TRIM2: variants seen among roughly 807,000 people sequenced by gnomAD.
TRIM2 encodes the protein tripartite motif containing 2.
Under a neutral mutation model 75.2 loss-of-function variants are expected in TRIM2, and 20 were observed. The ratio of observed to expected loss-of-function variants is 0.27; its 90% CI spans 0.19 to 0.39. The LOEUF (loss-of-function observed/expected upper bound fraction) is 0.39. Ranked by LOEUF, TRIM2 falls within the 10% of genes least tolerant of loss-of-function variation. The probability of loss-of-function intolerance (pLI) is 1.00; values close to 1 mark genes in which losing one functional copy is unlikely to be tolerated. For synonymous variants in TRIM2, 373 were observed against 388.3 expected (o/e 0.96, Z 0.46); for missense variants, 660 against 990.8 (o/e 0.67, Z 4.48).
At chr4:153,254,125 C>T (rs780774362) in intron 1 of TRIM2, among the ~76,000 whole-genome samples, 2 of 152,014 alleles carry the variant, frequency 1.3e-5, no homozygotes, top group Admixed American at 1.3e-4. Flanking sequence ...AAGCAGATGC[C>T]GGATTGTAAA....
intron 1 of TRIM2, among the ~76,000 whole-genome samples, chr4:153,173,468 C>A (rs535363558): frequency 3.2e-4 from 49 of 151,418 alleles, no homozygotes; most frequent in Non-Finnish European, 1.0e-4. Flanking sequence ...TTGAGACCAG[C>A]CTGGCAACAT....
intron 1 of TRIM2, among the ~76,000 whole-genome samples, chr4:153,167,048 C>CCCTA (rs924170041): frequency 9.2e-5 from 14 of 152,140 alleles, no homozygotes; most frequent in Admixed American, 7.9e-4. Flanking sequence ...AGAGTATGGA[C>CCCTA]CCTACAGCCA....
At chr4:153,334,687 CAG>C in intron 11 of TRIM2, 125 bp from the exon 12 acceptor site, 1 of 886,162 alleles carries the variant, frequency 1.1e-6, no homozygotes, top group Non-Finnish European at 1.7e-6. Flanking sequence ...GCCTGGGTGT[CAG>C]AGTGAGACCC....
In TRIM2 at chr4:153,335,271, T is replaced by TG. The variant is rs1554006078; in HGVS notation, c.*305_*306insG. Reference sequence around the variant, plus strand: ...TAATTTTGCAAATCAAACAGACACTTAAAAAACTAGCATATGTAAAGGTAT... The same window carrying TG: ...TAATTTTGCAAATCAAACAGACACTTGAAAAAACTAGCATATGTAAAGGTAT... On this transcript the variant is annotated 3_prime_UTR_variant, in exon 12 of 12. Transcript: ENST00000338700. 9.5e-7 allele frequency: 1 copy of TG among 1,048,482 alleles called. No homozygotes were observed. The highest frequency in any genetic ancestry group is 7.1e-5 in the East Asian group (1 of 14,120). 64.9% of individuals were successfully genotyped at this position (1,048,482 alleles called of 1,614,324 possible). A position where few individuals can be genotyped will look rare whatever the true frequency, so the allele number is the denominator to read the frequency against.
intron 2 of TRIM2, among the ~76,000 whole-genome samples, chr4:153,273,442 A>ATTTTTTTTTT (rs11459214): frequency 8.2e-3 from 639 of 77,532 alleles, no homozygotes; most frequent in Admixed American, 0.012. Flanking sequence ...CGCCCGGCTA[A>ATTTTTTTTTT]TTTTTTTTTT....
At chr4:153,301,511 A>G (rs1031129715) in intron 6 of TRIM2, among the ~76,000 whole-genome samples, 3 of 152,204 alleles carry the variant, frequency 2.0e-5, no homozygotes, top group Middle Eastern at 3.4e-3. Flanking sequence ...CCATGTATCC[A>G]TTTTTGCTTT....
In TRIM2 at chr4:153,336,071, G is replaced by T; in HGVS notation, c.*1105G>T. ...TATCATTGTTTAATGAATAGTAGAG[G>T]TGTCAAGGGACTATGTATACATGAT... is the stretch of plus-strand genomic sequence containing the variant. On this transcript the variant is annotated 3_prime_UTR_variant, in exon 12 of 12. Transcript: ENST00000338700. 1 of 985,540 alleles carries T rather than the reference G, an allele frequency of 1.0e-6. No individual in the cohort carries two copies. Among genetic ancestry groups the T allele is most frequent in the South Asian group, 4.7e-5 (1 of 21,286 alleles). 61.0% of individuals were successfully genotyped at this position (985,540 alleles called of 1,614,324 possible).
intron 1 of TRIM2, chr4:153,257,834 G>C (rs1752448579): frequency 3.0e-6 from 1 of 333,556 alleles, no homozygotes; most frequent in South Asian, 2.4e-5. Context: ...CTGCTCTCTC[G>C]GTTCTTTTTT....
chr4:153,273,814 G>A (rs890556310), intron 2 of TRIM2, among the ~76,000 whole-genome samples: 13 of 152,282 alleles, frequency 8.5e-5, no homozygotes, highest in African/African-American at 3.1e-4. Context: ...GCCCTAATCT[G>A]GGAAGGCTTC....
intron 10 of TRIM2, 90 bp downstream of exon 10, chr4:153,324,238 C>A: frequency 1.8e-6 from 2 of 1,109,430 alleles, no homozygotes; most frequent in Non-Finnish European, 1.3e-6. Context: ...TTACATATGG[C>A]ACCAAAGGGA....
chr4:153,297,424 C>T (rs1192270696), intron 6 of TRIM2, among the ~76,000 whole-genome samples: 3 of 152,126 alleles, frequency 2.0e-5, no homozygotes, highest in African/African-American at 7.2e-5. Context: ...CTTCTATGTC[C>T]ATGAAATGAA....
intron 1 of TRIM2, among the ~76,000 whole-genome samples, chr4:153,218,505 G>A (rs533973977): frequency 5.3e-5 from 8 of 152,196 alleles, no homozygotes; most frequent in East Asian, 3.9e-4. Context: ...CACTGTGCCC[G>A]ATCTATTTTA....
At position 153,336,607 on chromosome 4, in the gene TRIM2, T is replaced by G. The variant is rs1245924193; in HGVS notation, c.*1641T>G. ...ATAGTGACTTTGGGGTCTTCTTCAC[T>G]GAAAGCACCTTAGAACTGTACTATA... On this transcript the variant is annotated 3_prime_UTR_variant, in exon 12 of 12. Transcript: ENST00000338700. 13 of 985,834 alleles carry G rather than the reference T, an allele frequency of 1.3e-5. No individual in the cohort carries two copies. In the African/African-American group the frequency reaches 2.1e-4, roughly 16 times the overall value. 61.1% of individuals were successfully genotyped at this position (985,834 alleles called of 1,614,324 possible).
chr4:153,250,085 G>A (rs1750482507), intron 1 of TRIM2, among the ~76,000 whole-genome samples: 2 of 150,604 alleles, frequency 1.3e-5, no homozygotes, highest in South Asian at 4.2e-4. Context: ...TCAGTGCATG[G>A]CAGAGCCTTG....
chr4:153,322,966 T>C, intron 9 of TRIM2, 150 bp downstream of exon 9: 1 of 1,151,466 alleles, frequency 8.7e-7, no homozygotes, highest in Non-Finnish European at 1.2e-6. Flanking sequence ...CAAAAGCATG[T>C]TTCGTTGCTT....
At chr4:153,326,996 A>AG (rs1299718935) in intron 10 of TRIM2, among the ~76,000 whole-genome samples, 98 of 151,018 alleles carry the variant, frequency 6.5e-4, no homozygotes, top group African/African-American at 2.3e-3. Context: ...AAAAAAAAAA[A>AG]AAGAAAGAAA....
At chr4:153,306,868 C>G (rs1425046136) in intron 6 of TRIM2, among the ~76,000 whole-genome samples, 1 of 152,208 alleles carries the variant, frequency 6.6e-6, no homozygotes, top group African/African-American at 2.4e-5. Context: ...TGCCAAGAGC[C>G]ATATTACTAG....
chr4:153,237,913 C>CTT (rs937277680), intron 1 of TRIM2, among the ~76,000 whole-genome samples: 7 of 152,154 alleles, frequency 4.6e-5, no homozygotes, highest in African/African-American at 1.7e-4. Context: ...CCCTCTGTGA[C>CTT]TTACACCTTC....
At chr4:153,334,723 G>C in intron 11 of TRIM2, 91 bp from the exon 12 acceptor site, 1 of 1,236,078 alleles carries the variant, frequency 8.1e-7, no homozygotes. Context: ...GAAAGAAACA[G>C]AAAAACATTA....
Sources: gnomAD v4.1 joint callset for allele counts (sites outside exome capture counted in the v4.1 genomes callset) on GRCh38, gnomAD v4.1.1 for gene constraint, MANE v1.5 for transcripts, NCBI Gene and HGNC (gene_info 2026-07-23, HGNC 2026-07-21) for gene names.